The following TAFA2 variants were observed in gnomAD, a reference collection of about 807,000 sequenced individuals.
TAFA2 encodes the protein TAFA chemokine like family member 2, also known as chemokine-like protein TAFA-2.
A neutral mutation model predicts 18.8 loss-of-function variants in TAFA2; 7 were observed. The ratio of observed to expected loss-of-function variants is 0.37; its 90% CI spans 0.21 to 0.70. The LOEUF is 0.70. TAFA2 is among the 30% of genes least tolerant of loss of function. The pLI is 0.53. For synonymous variants in TAFA2, 60 were observed against 54.2 expected, an observed-to-expected ratio of 1.11 and a Z score of -0.47; for missense variants, 122 against 158.1, an observed-to-expected ratio of 0.77 and a Z score of 1.23.
At chr12:61,846,604 G>C (rs1873414960) in intron 2 of TAFA2, among the ~76,000 whole-genome samples, 4 of 152,052 alleles carry the variant, frequency 2.6e-5, no homozygotes, top group African/African-American at 7.2e-5. Context: ...ATTTTTAAAT[G>C]CTTCCATAAA....
chr12:61,922,994 G>A (rs970474657), intron 1 of TAFA2, among the ~76,000 whole-genome samples: 1 of 152,146 alleles, frequency 6.6e-6, no homozygotes, highest in Non-Finnish European at 1.5e-5. Flanking sequence ...TTCAAACAGG[G>A]TGCAAAACCC....
chr12:61,864,431 A>G (rs1874262098), intron 2 of TAFA2, among the ~76,000 whole-genome samples: 1 of 150,016 alleles, frequency 6.7e-6, no homozygotes, highest in South Asian at 2.1e-4. Context: ...TACACACCAT[A>G]TATTTCTATA....
chr12:61,924,940 G>T (rs879244723), intron 1 of TAFA2, among the ~76,000 whole-genome samples: 2 of 152,100 alleles, frequency 1.3e-5, no homozygotes, highest in African/African-American at 4.8e-5. Context: ...TGCAATCCTA[G>T]TCTCTGATGA....
intron 1 of TAFA2, among the ~76,000 whole-genome samples, chr12:61,914,042 C>T (rs998957167): frequency 2.0e-5 from 3 of 152,124 alleles, no homozygotes; most frequent in African/African-American, 7.2e-5. Context: ...CGACACCACC[C>T]CAATTGACCT....
intron 1 of TAFA2, among the ~76,000 whole-genome samples, chr12:61,929,382 C>T (rs867022259): frequency 3.9e-5 from 6 of 152,104 alleles, no homozygotes; most frequent in Middle Eastern, 3.2e-3. Context: ...GACATTTATG[C>T]AGCCAAAAGA....
At chr12:62,039,107 T>C (rs973657679) in intron 1 of TAFA2, among the ~76,000 whole-genome samples, 4 of 152,294 alleles carry the variant, frequency 2.6e-5, no homozygotes, top group African/African-American at 9.6e-5. Flanking sequence ...ATTTGAGACG[T>C]CAGTGCAGGG....
intron 1 of TAFA2, among the ~76,000 whole-genome samples, chr12:62,062,844 C>G (rs1263659987): frequency 6.6e-6 from 1 of 152,102 alleles, no homozygotes; most frequent in African/African-American, 2.4e-5. Context: ...AAGGTAAAGG[C>G]CTTTCCCAGC....
At chr12:62,133,889 C>G (rs1336549989) in intron 1 of TAFA2, among the ~76,000 whole-genome samples, 2 of 152,038 alleles carry the variant, frequency 1.3e-5, no homozygotes, top group Non-Finnish European at 2.9e-5. Context: ...TAACCCTAGG[C>G]AAATAGCTTA....
At chr12:61,956,309 G>C (rs1878693137) in intron 1 of TAFA2, among the ~76,000 whole-genome samples, 1 of 151,878 alleles carries the variant, frequency 6.6e-6, no homozygotes, top group African/African-American at 2.4e-5. Flanking sequence ...TTTGTTGGTG[G>C]ATAAAGAATT....
intron 4 of TAFA2, among the ~76,000 whole-genome samples, chr12:61,722,095 T>C (rs570883396): frequency 4.8e-4 from 73 of 152,252 alleles, no homozygotes; most frequent in African/African-American, 1.6e-3. Flanking sequence ...AAATAATAAA[T>C]CGTATGTAAA....
At chr12:61,829,646 CAT>C (rs1872643994) in intron 2 of TAFA2, among the ~76,000 whole-genome samples, 1 of 151,288 alleles carries the variant, frequency 6.6e-6, no homozygotes, top group Non-Finnish European at 1.5e-5. Flanking sequence ...CAAGAAAAAA[CAT>C]ATCAGCTAGA....
chr12:62,083,340 C>CT (rs1394061073), intron 1 of TAFA2, among the ~76,000 whole-genome samples: 1 of 151,860 alleles, frequency 6.6e-6, no homozygotes, highest in Non-Finnish European at 1.5e-5. Context: ...TACCTCCCTG[C>CT]TATTACAAGA....
chr12:61,871,696 G>T (rs2121233327), intron 1 of TAFA2, among the ~76,000 whole-genome samples: 1 of 152,242 alleles, frequency 6.6e-6, no homozygotes, highest in East Asian at 1.9e-4. Context: ...AAATCTCCTG[G>T]ACTTTCTCCC....
chr12:62,226,657 C>T (rs2062788270), intron 1 of TAFA2, among the ~76,000 whole-genome samples: 1 of 152,178 alleles, frequency 6.6e-6, no homozygotes, highest in African/African-American at 2.4e-5. Context: ...AGAAAGTTTA[C>T]CCCACTTTCC....
Position 61,867,223 on chromosome 12 carries a change from G to C in TAFA2, c.106+97C>G. 4 of 767,482 alleles carry C rather than the reference G, an allele frequency of 5.2e-6. No individual in the cohort carries two copies. In the South Asian group the frequency reaches 6.3e-5, roughly 12 times the overall value. The allele number at this position is 767,482 out of a possible 1,614,324, so 47.5% of individuals were successfully genotyped here. On this transcript the variant is annotated intron_variant, in intron 2 of 4. Coordinates refer to ENST00000416284, the MANE Select transcript of TAFA2 (RefSeq NM_178539.5). ...CTGCCAGGGGGAGAATCTATACCTA[G>C]TAAAATTTAACAGACCAGTGGAGGC...
intron 1 of TAFA2, among the ~76,000 whole-genome samples, chr12:61,916,454 G>C (rs1043184917): frequency 6.6e-6 from 1 of 152,178 alleles, no homozygotes; most frequent in East Asian, 1.9e-4. Context: ...GAAAAGGGTT[G>C]ATAAATGGTC....
chr12:62,087,707 T>C (rs1217349592), intron 1 of TAFA2, among the ~76,000 whole-genome samples: 1 of 101,434 alleles, frequency 9.9e-6, no homozygotes, highest in East Asian at 5.2e-4. Flanking sequence ...CTTGGAGGAT[T>C]TTTGAGCAGG....
intron 1 of TAFA2, among the ~76,000 whole-genome samples, chr12:61,972,622 G>T (rs1879288358): frequency 6.6e-6 from 1 of 151,606 alleles, no homozygotes; most frequent in Non-Finnish European, 1.5e-5. Flanking sequence ...TAAATAACTG[G>T]GCAGAATGAA....
intron 2 of TAFA2, among the ~76,000 whole-genome samples, chr12:61,778,506 T>C (rs1365645050): frequency 1.3e-5 from 2 of 151,766 alleles, no homozygotes. Flanking sequence ...CTCATTCTCA[T>C]TCCCTCTCCC....
Sources: gnomAD v4.1 joint callset for allele counts (sites outside exome capture counted in the v4.1 genomes callset) on GRCh38, gnomAD v4.1.1 for gene constraint, MANE v1.5 for transcripts, NCBI Gene and HGNC (gene_info 2026-07-23, HGNC 2026-07-21) for gene names.